The following KHDRBS3 variants were observed in gnomAD, a reference collection of about 807,000 sequenced individuals.
KHDRBS3 encodes the protein KH RNA binding domain containing, signal transduction associated 3.
In KHDRBS3, 23 loss-of-function variants were observed where a neutral mutation model predicts 45.6. The observed-to-expected ratio is 0.50, with a 90% CI of 0.36 to 0.72. KHDRBS3 has a LOEUF of 0.72. Ranked by LOEUF, KHDRBS3 falls within the 30% of genes least tolerant of loss-of-function variation. The probability of loss-of-function intolerance (pLI) is 0.00; values close to 1 mark genes in which losing one functional copy is unlikely to be tolerated. For synonymous variants in KHDRBS3, 162 were observed against 156.5 expected (o/e 1.04, Z -0.26); for missense variants, 352 against 424.8 (o/e 0.83, Z 1.51).
chr8:135,644,883 G>T (rs1563829447), intron 7 of KHDRBS3, among the ~76,000 whole-genome samples, 176 bp from the exon 8 acceptor site: 3 of 151,636 alleles, frequency 2.0e-5, no homozygotes, highest in Admixed American at 6.6e-5. Flanking sequence ...AGGGTCCTTT[G>T]ATAATCCCAA....
intron 5 of KHDRBS3, among the ~76,000 whole-genome samples, chr8:135,580,908 C>T (rs560370581): frequency 2.6e-5 from 4 of 152,294 alleles, no homozygotes; most frequent in Admixed American, 1.3e-4. Flanking sequence ...CCGTCACACC[C>T]GGCCAAAACC....
intron 2 of KHDRBS3, among the ~76,000 whole-genome samples, chr8:135,524,783 T>G (rs1445317750): frequency 6.6e-6 from 1 of 152,160 alleles, no homozygotes; most frequent in Non-Finnish European, 1.5e-5. Flanking sequence ...CATTTTGCTA[T>G]TAACCCACCA....
intron 7 of KHDRBS3, among the ~76,000 whole-genome samples, chr8:135,627,593 T>C (rs1014708439): frequency 6.6e-6 from 1 of 152,258 alleles, no homozygotes; most frequent in African/African-American, 2.4e-5. Context: ...ATTTTTCTTT[T>C]AGATTTTTTT....
At chr8:135,600,303 C>G (rs1400279978) in intron 6 of KHDRBS3, among the ~76,000 whole-genome samples, 1 of 152,128 alleles carries the variant, frequency 6.6e-6, no homozygotes, top group African/African-American at 2.4e-5. Context: ...GATAAGGAAG[C>G]ATTAGAAATC....
chr8:135,488,341 A>G (rs542408426), intron 1 of KHDRBS3, among the ~76,000 whole-genome samples: 1 of 152,308 alleles, frequency 6.6e-6, no homozygotes, highest in Admixed American at 6.5e-5. Flanking sequence ...TAGCATTGTC[A>G]GGTATACGTG....
intron 8 of KHDRBS3, among the ~76,000 whole-genome samples, chr8:135,645,909 G>A (rs1337472892): frequency 6.6e-6 from 1 of 151,638 alleles, no homozygotes; most frequent in East Asian, 1.9e-4. Flanking sequence ...TTAACAGAAC[G>A]GAAAAACCAT....
intron 1 of KHDRBS3, among the ~76,000 whole-genome samples, chr8:135,497,859 A>G (rs1191255434): frequency 6.6e-6 from 1 of 152,182 alleles, no homozygotes; most frequent in African/African-American, 2.4e-5. Context: ...GAAATTGGAC[A>G]TTCTGTTTGT....
intron 2 of KHDRBS3, among the ~76,000 whole-genome samples, chr8:135,535,420 A>AAACTATATATAAACTATTATATATAGTTT (rs1286885747): frequency 4.2e-5 from 6 of 144,108 alleles, no homozygotes; most frequent in South Asian, 2.2e-4. Context: ...ATATATAGTT[A>AAACTATATATAAACTATTATATATAGTTT]AACTATATAT....
intron 5 of KHDRBS3, among the ~76,000 whole-genome samples, chr8:135,577,445 A>ATT (rs58813649): frequency 2.4e-4 from 36 of 150,404 alleles, no homozygotes; most frequent in Admixed American, 5.9e-4. Context: ...TTAACTACTG[A>ATT]TTTTTTTTTT....
intron 7 of KHDRBS3, among the ~76,000 whole-genome samples, chr8:135,639,200 G>T (rs916096668): frequency 7.9e-5 from 12 of 152,154 alleles, no homozygotes; most frequent in African/African-American, 2.9e-4. Context: ...GAGTAATGGT[G>T]GTGATTGCGA....
chr8:135,494,897 T>G (rs1056877492), intron 1 of KHDRBS3, among the ~76,000 whole-genome samples: 1 of 152,212 alleles, frequency 6.6e-6, no homozygotes, highest in Non-Finnish European at 1.5e-5. Context: ...TTGTGAGGGT[T>G]ACTGACCTTG....
intron 4 of KHDRBS3, among the ~76,000 whole-genome samples, chr8:135,552,509 CCT>C (rs1414058619): frequency 5.9e-5 from 9 of 152,126 alleles, no homozygotes; most frequent in Admixed American, 2.0e-4. Context: ...CTTTTCTCCC[CCT>C]GAGTATAGGT....
intron 8 of KHDRBS3, among the ~76,000 whole-genome samples, chr8:135,646,222 G>C (rs1034854810): frequency 6.6e-6 from 1 of 152,130 alleles, no homozygotes; most frequent in Middle Eastern, 3.4e-3. Context: ...GTATGTTGCA[G>C]CAGGGATGTT....
chr8:135,594,085 T>C (rs1164778723), intron 6 of KHDRBS3, among the ~76,000 whole-genome samples: 5 of 152,216 alleles, frequency 3.3e-5, no homozygotes, highest in African/African-American at 4.8e-5. Flanking sequence ...ATGAGGTTTA[T>C]TGTCATCTTT....
chr8:135,470,054 G>A (rs559512753), intron 1 of KHDRBS3, among the ~76,000 whole-genome samples: 1 of 152,248 alleles, frequency 6.6e-6, no homozygotes, highest in African/African-American at 2.4e-5. Flanking sequence ...TAAACCTGTT[G>A]GTGCGTAGCT....
At chr8:135,568,240 C>T in intron 5 of KHDRBS3, among the ~76,000 whole-genome samples, 1 of 152,020 alleles carries the variant, frequency 6.6e-6, no homozygotes, top group South Asian at 2.1e-4. Flanking sequence ...ACCATAACAC[C>T]ATTATACAAT....
chr8:135,494,747 A>G (rs1823346909), intron 1 of KHDRBS3, among the ~76,000 whole-genome samples: 1 of 152,160 alleles, frequency 6.6e-6, no homozygotes, highest in Non-Finnish European at 1.5e-5. Flanking sequence ...TGTAGGCTAA[A>G]TCTTCCATAG....
At chr8:135,484,546 A>G (rs925583989) in intron 1 of KHDRBS3, among the ~76,000 whole-genome samples, 2 of 152,228 alleles carry the variant, frequency 1.3e-5, no homozygotes, top group African/African-American at 4.8e-5. Flanking sequence ...CTCTGTGTCT[A>G]AAACTTCACC....
intron 2 of KHDRBS3, chr8:135,539,465 C>T (rs1825938933): frequency 6.6e-6 from 1 of 152,272 alleles, no homozygotes; most frequent in Middle Eastern, 3.2e-3. Context: ...TCCCACTTGC[C>T]ATAGGTTCTG....
Sources: gnomAD v4.1 joint callset for allele counts (sites outside exome capture counted in the v4.1 genomes callset) on GRCh38, gnomAD v4.1.1 for gene constraint, MANE v1.5 for transcripts, NCBI Gene and HGNC (gene_info 2026-07-23, HGNC 2026-07-21) for gene names.